The following GTPBP2 variants were observed in gnomAD, a reference collection of about 807,000 sequenced individuals.
GTPBP2 encodes the protein GTP binding protein 2, also known as GTP-binding protein 2.
GTPBP2 carries 32 observed loss-of-function variants against 63.0 expected under a neutral mutation model. That is an observed-to-expected ratio of 0.51 (90% CI 0.38 to 0.68). GTPBP2 has a LOEUF of 0.68. Among genes scored for constraint, GTPBP2 ranks in the 30% least tolerant of loss-of-function variants. The probability of loss-of-function intolerance (pLI) is 0.00; values close to 1 mark genes in which losing one functional copy is unlikely to be tolerated. For synonymous variants in GTPBP2, 310 were observed against 322.6 expected (o/e 0.96, Z 0.42); for missense variants, 492 against 796.9 (o/e 0.62, Z 4.61).
Position 43,624,373 on chromosome 6 carries a change from C to T in GTPBP2, c.1100+137G>A, listed in dbSNP as rs1769117402. The T allele has an allele frequency of 1.4e-6, 1 of 703,230 alleles. No individual in the cohort carries two copies. The highest frequency in any genetic ancestry group is 2.4e-6 in the Non-Finnish European group (1 of 409,922). The allele number at this position is 703,230 out of a possible 1,614,324, so 43.6% of individuals were successfully genotyped here. A position where few individuals can be genotyped will look rare whatever the true frequency, so the allele number is the denominator to read the frequency against. ...AGCCCTTTAGCAAGATGCCCCTCCA[C>T]AATCCCAAGCTGAAACACCCGCAGA... On this transcript the variant is annotated intron_variant, in intron 7 of 11. Transcript: ENST00000307126. This position sits in a 1 kb window ranked among gnomAD's most constrained non-coding sequence, Gnocchi z 5.1.
chr6:43,627,342 G>C, intron 1 of GTPBP2: 1 of 1,012,360 alleles, frequency 9.9e-7, no homozygotes, highest in Non-Finnish European at 1.2e-6. Flanking sequence ...CTTTGTCACT[G>C]GTCTAGGAAA....
chr6:43,621,176 G>A lies in GTPBP2; in HGVS notation c.*438C>T, dbSNP rs749531849. On this transcript the variant is annotated 3_prime_UTR_variant, in exon 12 of 12. Coordinates refer to ENST00000307126, the MANE Select transcript of GTPBP2 (RefSeq NM_019096.5). ...TTTTGTCCACAGCCAGGTAGAGATG[G>A]GCAACTTACATGGCCTTGAGAAGAG... 4.4e-5 allele frequency: 15 copies of A among 342,552 alleles called. No individual in the cohort carries two copies. Among genetic ancestry groups the A allele is most frequent in the Non-Finnish European group, 8.7e-5 (15 of 171,556 alleles). 21.2% of individuals were successfully genotyped at this position (342,552 alleles called of 1,614,324 possible). A position where few individuals can be genotyped will look rare whatever the true frequency, so the allele number is the denominator to read the frequency against.
In GTPBP2 at chr6:43,626,884, C is replaced by G; in HGVS notation, c.213+38G>C. 1 of 1,516,912 alleles carries G rather than the reference C, an allele frequency of 6.6e-7. No individual in the cohort carries two copies. The highest frequency in any genetic ancestry group is 9.0e-7 in the Non-Finnish European group (1 of 1,109,104). The allele number at this position is 1,516,912 out of a possible 1,614,324, so 94.0% of individuals were successfully genotyped here. A position where few individuals can be genotyped will look rare whatever the true frequency, so the allele number is the denominator to read the frequency against. Reference sequence around the variant, plus strand: ...ATTATCCCACACTGGCAAGGACAACCTACCCCAGCCCCTGCTTTTCCCCAG... The same window carrying G: ...ATTATCCCACACTGGCAAGGACAACGTACCCCAGCCCCTGCTTTTCCCCAG... On this transcript the variant is annotated intron_variant, in intron 2 of 11. Transcript: ENST00000307126. This position sits in a 1 kb window ranked among gnomAD's most constrained non-coding sequence, Gnocchi z 4.0.
rs373891658 is a variant in GTPBP2, at chr6:43,624,067, C to T, written c.1102G>A (p.Val368Ile). The T allele has an allele frequency of 6.2e-7, 1 of 1,611,230 alleles. No individual in the cohort carries two copies. The highest frequency in any genetic ancestry group is 8.5e-7 in the Non-Finnish European group (1 of 1,178,370). Reference protein sequence around the residue: ...AAQQFAQSPNVTPIFTLSSVS... With the variant: ...AAQQFAQSPNITPIFTLSSVS... Reference sequence around the variant, plus strand: ...CTGGACAATGTGAAGATGGGGGTGACACTGTAGAGGGAGGCATGGAATGGA... The same window carrying T: ...CTGGACAATGTGAAGATGGGGGTGATACTGTAGAGGGAGGCATGGAATGGA... The change falls in exon 8 of 12, where the codon GTC becomes ATC. Residue 368 changes from valine to isoleucine, a missense_variant and splice_region_variant. Transcript: ENST00000307126. The surrounding 1 kb of genome is among the most constrained non-coding windows in gnomAD (Gnocchi z 5.1).
At chr6:43,621,967 G>T in intron 11 of GTPBP2, 36 bp downstream of exon 11, 1 of 1,611,938 alleles carries the variant, frequency 6.2e-7, no homozygotes, top group Middle Eastern at 1.7e-4. Flanking sequence ...CCTCTTTTCT[G>T]ACCTCTGGAG....
At position 43,629,118 on chromosome 6, in the gene GTPBP2, G is replaced by A. The variant is rs1395140103; in HGVS notation, c.45C>T (p.Pro15=). The change falls in exon 1 of 12, where the codon CCC becomes CCT. Residue 15 remains proline (P), a synonymous_variant. Transcript: ENST00000307126. ...VSELFGGCCR[P]GGGPAVGGTL... ...TTCCGCCCACGGCCGGGCCCCCTCC[G>A]GGCCGGCAGCAGCCGCCGAACAGCT... 2 of 1,222,816 alleles carry A rather than the reference G, an allele frequency of 1.6e-6. No homozygotes were observed. Among genetic ancestry groups the A allele is most frequent in the African/African-American group, 3.3e-5 (2 of 59,896 alleles). The allele number at this position is 1,222,816 out of a possible 1,614,324, so 75.7% of individuals were successfully genotyped here. A position where few individuals can be genotyped will look rare whatever the true frequency, so the allele number is the denominator to read the frequency against.
Position 43,623,777 on chromosome 6 carries a change from CTG to C in GTPBP2, c.1253_1254del (p.Thr418SerfsTer19). Reference protein sequence around the residue: ...LTEFQVDEIYTVPEVGTVVGG... With the variant: ...LTEFQVDEIYXVPEVGTVVGG... ...CCAACAACAGTCCCCACCTCTGGTA[CTG>C]TGTAGATTTCATCCACCTGAAGCCA... is the stretch of plus-strand genomic sequence containing the variant. On this transcript the variant is annotated frameshift_variant, in exon 9 of 12. Transcript: ENST00000307126. LOFTEE classifies it high-confidence loss of function. 2 of 1,613,690 alleles carry C rather than the reference CTG, an allele frequency of 1.2e-6. No individual in the cohort carries two copies. Among genetic ancestry groups the C allele is most frequent in the Non-Finnish European group, 1.7e-6 (2 of 1,179,556 alleles).
upstream of GTPBP2, among the ~76,000 whole-genome samples, chr6:43,630,155 A>G (rs1272825303): frequency 6.6e-6 from 1 of 152,212 alleles, no homozygotes; most frequent in Non-Finnish European, 1.5e-5. Context: ...GTGGCCGGGA[A>G]TAGAAACTTG....
In GTPBP2 at chr6:43,621,720, A is replaced by G; in HGVS notation, c.1703T>C (p.Val568Ala). The change falls in exon 12 of 12, where the codon GTG becomes GCG. Residue 568 changes from valine (V) to alanine (A), a missense_variant. This residue lies in a region of GTPBP2 where 400 missense variants were observed against 710.8 expected (regional missense o/e 0.56). Transcript: ENST00000307126. ...RFLKHPEYLK[V>A]GAKLLFREGV... ...CTCCCGGAACAGCAGTTTGGCGCCC[A>G]CCTTCAGGTACTCTGGGTGTTTCAG... 6.2e-7 allele frequency: 1 copy of G among 1,614,088 alleles called. No individual in the cohort carries two copies. The highest frequency in any genetic ancestry group is 8.5e-7 in the Non-Finnish European group (1 of 1,180,022).
In GTPBP2 at chr6:43,625,250, T is replaced by C. The variant is rs1164013194; in HGVS notation, c.705+113A>G. On this transcript the variant is annotated intron_variant, in intron 5 of 11. Transcript: ENST00000307126. The surrounding 1 kb of genome is among the most constrained non-coding windows in gnomAD (Gnocchi z 5.1). ...GCTTGTTCACAGTCCCCTCAGGGCATTCATCTATACTATTTCAAAAAGTCT... is the reference window on the plus strand; with the variant it reads ...GCTTGTTCACAGTCCCCTCAGGGCACTCATCTATACTATTTCAAAAAGTCT... 2 of 1,072,122 alleles carry C rather than the reference T, an allele frequency of 1.9e-6. No individual in the cohort carries two copies. The highest frequency in any genetic ancestry group is 1.6e-5 in the African/African-American group (1 of 64,230). The allele number at this position is 1,072,122 out of a possible 1,614,324, so 66.4% of individuals were successfully genotyped here.
upstream of GTPBP2, among the ~76,000 whole-genome samples, chr6:43,631,048 G>A (rs1769899887): frequency 6.6e-6 from 1 of 152,082 alleles, no homozygotes; most frequent in Non-Finnish European, 1.5e-5. Context: ...ACTTGGTAGA[G>A]TCCATGGCTT....
rs1401051758 is a variant in GTPBP2, at chr6:43,626,086, A to G, written c.398+140T>C. On this transcript the variant is annotated intron_variant, in intron 3 of 11. Transcript: ENST00000307126. The surrounding 1 kb of genome is among the most constrained non-coding windows in gnomAD (Gnocchi z 4.0). ...GCCTAGGTCCAGTGAGGAGGGGACC[A>G]AAACACTAACCCTCCCCACTTCAGC... 11 of 853,404 alleles carry G rather than the reference A, an allele frequency of 1.3e-5. No homozygotes were observed. In the Admixed American group the frequency reaches 2.4e-4, roughly 19 times the overall value. 52.9% of individuals were successfully genotyped at this position (853,404 alleles called of 1,614,324 possible).
chr6:43,629,822 G>T, upstream of GTPBP2: 1 of 1,544,056 alleles, frequency 6.5e-7, no homozygotes, highest in Non-Finnish European at 8.7e-7. Context: ...GCCAAATTAC[G>T]GCTGTTATTG....
At position 43,622,623 on chromosome 6, in the gene GTPBP2, C is replaced by G. The variant is rs201929088; in HGVS notation, c.1467+10G>C. 52 of 1,605,936 alleles carry G rather than the reference C, an allele frequency of 3.2e-5. No individual in the cohort carries two copies. The highest frequency in any genetic ancestry group is 3.4e-6 in the Non-Finnish European group (4 of 1,173,422). On this transcript the variant is annotated intron_variant, in intron 10 of 11. Transcript: ENST00000307126. The surrounding 1 kb of genome is among the most constrained non-coding windows in gnomAD (Gnocchi z 5.4). ...TAGCGTTCCCTCCCCAACCCATGCA[C>G]CCACCTCACCTTGCGAAGCAGTGCA...
rs1365683849 is a variant in GTPBP2, at chr6:43,629,054, C to A, written c.109G>T (p.Gly37Trp). The A allele has an allele frequency of 1.2e-6, 2 of 1,610,856 alleles. No individual in the cohort carries two copies. The highest frequency in any genetic ancestry group is 1.7e-6 in the Non-Finnish European group (2 of 1,178,662). Residue 37 changes from glycine to tryptophan, a missense_variant, in exon 1 of 12, where the codon GGG (glycine) becomes TGG (tryptophan). Gly to Trp is a radical substitution (Grantham distance 184). Coordinates refer to ENST00000307126, the MANE Select transcript of GTPBP2 (RefSeq NM_019096.5). ...ARGAGSSSGC[G>W]GPKGKKKNGR... ...TTCTTCTTCTTTCCCTTTGGCCCCC[C>A]GCAGCCGCTGCTGCTGCCGGCCCCC...
At chr6:43,627,744 C>A (rs945180958) in intron 1 of GTPBP2, among the ~76,000 whole-genome samples, 1 of 152,202 alleles carries the variant, frequency 6.6e-6, no homozygotes, top group African/African-American at 2.4e-5. Context: ...TTTTTCTACC[C>A]GCCTCTCTGG....
chr6:43,626,925 A>G lies in GTPBP2; in HGVS notation c.210T>C (p.Tyr70=). 1 of 1,612,510 alleles carries G rather than the reference A, an allele frequency of 6.2e-7. No homozygotes were observed. The highest frequency in any genetic ancestry group is 8.5e-7 in the Non-Finnish European group (1 of 1,178,552). Residue 70 remains tyrosine (Y), a synonymous_variant, in exon 2 of 12, where the codon TAT becomes TAC. Transcript: ENST00000307126. This position sits in a 1 kb window ranked among gnomAD's most constrained non-coding sequence, Gnocchi z 4.0. The stretch of plus-strand genomic sequence containing the variant: ...TTTTCCCCAGCCTAGGACTCACTTT[A>G]TATTCAATGTTTCCATCTTCAGCCT... The part of the protein sequence containing the change: ...PPEAEDGNIE[Y]KLKLVNPSQY...
At chr6:43,628,826 CGGGACCTGAAAGA>C in intron 1 of GTPBP2, 138 bp downstream of exon 1, 1 of 904,814 alleles carries the variant, frequency 1.1e-6, no homozygotes, top group Non-Finnish European at 1.9e-6. Flanking sequence ...CCTGGGGTCC[CGGGACCTGAAAGA>C]GGTGTTCTCC....
upstream of GTPBP2, chr6:43,629,693 T>A: frequency 6.5e-7 from 1 of 1,541,392 alleles, no homozygotes; most frequent in African/African-American, 1.4e-5. Context: ...GCTGCAGAAC[T>A]GAGGCTACTG....
Sources: gnomAD v4.1 joint callset for allele counts (sites outside exome capture counted in the v4.1 genomes callset) on GRCh38, gnomAD v4.1.1 for gene constraint, gnomAD v4.1.1 regional missense constraint, Gnocchi (gnomAD v3.1) non-coding constraint, MANE v1.5 for transcripts, NCBI Gene and HGNC (gene_info 2026-07-23, HGNC 2026-07-21) for gene names.